The following CSMD1 variants were observed in gnomAD, a reference collection of about 807,000 sequenced individuals.
The protein encoded by CSMD1 is CUB and sushi domain-containing protein 1.
CSMD1 carries 213 observed loss-of-function variants against 417.5 expected under a neutral mutation model. The ratio of observed to expected loss-of-function variants is 0.51; its 90% CI spans 0.46 to 0.57. The LOEUF is 0.57. CSMD1 is among the 20% of genes least tolerant of loss of function. The pLI is 0.00. For missense variants in CSMD1, 6,923 were observed against 4,529.7 expected, an observed-to-expected ratio of 1.53 and a Z score of -15.17; for synonymous variants, 2,862 against 1,736.8, an observed-to-expected ratio of 1.65 and a Z score of -16.11.
chr8:4,764,895 C>CAAAAAAAAACAAAA (rs763804321), intron 1 of CSMD1, among the ~76,000 whole-genome samples: 8 of 30,568 alleles, frequency 2.6e-4, no homozygotes, highest in Admixed American at 5.0e-4. Flanking sequence ...AAAAAAAAAA[C>CAAAAAAAAACAAAA]AACAACAACA....
intron 5 of CSMD1, among the ~76,000 whole-genome samples, chr8:3,974,447 T>C (rs1420566350): frequency 2.3e-4 from 35 of 152,062 alleles, no homozygotes; most frequent in Admixed American, 2.3e-3. Flanking sequence ...TATGTGCAAA[T>C]AATAGTATAT....
At chr8:3,783,772 G>A (rs1346545072) in intron 5 of CSMD1, among the ~76,000 whole-genome samples, 1 of 152,172 alleles carries the variant, frequency 6.6e-6, no homozygotes, top group Non-Finnish European at 1.5e-5. Context: ...AAGGGGAAAA[G>A]AAAGTCGCAT....
chr8:3,706,619 C>A (rs1452087881), intron 7 of CSMD1, among the ~76,000 whole-genome samples: 1 of 152,170 alleles, frequency 6.6e-6, no homozygotes, highest in Non-Finnish European at 1.5e-5. Flanking sequence ...AAAAAAAGCT[C>A]TGCCTCAATC....
At chr8:3,912,777 C>T (rs757716291) in intron 5 of CSMD1, among the ~76,000 whole-genome samples, 71 of 152,124 alleles carry the variant, frequency 4.7e-4, no homozygotes, top group Non-Finnish European at 5.1e-4. Flanking sequence ...CAAGGTCACA[C>T]GAAGGCATGC....
chr8:4,427,169 G>T (rs1259738361), intron 2 of CSMD1, among the ~76,000 whole-genome samples: 1 of 152,084 alleles, frequency 6.6e-6, no homozygotes, highest in Non-Finnish European at 1.5e-5. Flanking sequence ...CTACACAATG[G>T]GTAAGTCCAG....
chr8:4,051,220 C>T (rs73658557), intron 3 of CSMD1, among the ~76,000 whole-genome samples: 5,785 of 151,462 alleles, frequency 0.038, 357 homozygotes, highest in African/African-American at 0.12. Flanking sequence ...TCCCAGGGAC[C>T]AGGCCTGTGG....
At chr8:3,628,748 A>C (rs1305407095) in intron 7 of CSMD1, among the ~76,000 whole-genome samples, 1 of 152,166 alleles carries the variant, frequency 6.6e-6, no homozygotes, top group African/African-American at 2.4e-5. Context: ...AGCCATACGG[A>C]AAAGTGACCA....
At chr8:4,365,097 A>G (rs1162185022) in intron 3 of CSMD1, among the ~76,000 whole-genome samples, 1 of 152,178 alleles carries the variant, frequency 6.6e-6, no homozygotes, top group Admixed American at 6.5e-5. Context: ...TACAAGAAAA[A>G]GTTTAAATAC....
At chr8:3,350,780 G>C (rs1808367105) in intron 21 of CSMD1, among the ~76,000 whole-genome samples, 1 of 152,046 alleles carries the variant, frequency 6.6e-6, no homozygotes, top group Admixed American at 6.6e-5. Flanking sequence ...TTGTATCCAT[G>C]TGAAGAAAAA....
chr8:4,859,819 A>T (rs867886272), intron 1 of CSMD1, among the ~76,000 whole-genome samples: 6 of 152,248 alleles, frequency 3.9e-5, no homozygotes, highest in Middle Eastern at 6.8e-3. Context: ...GTGGGACTGT[A>T]AACTAGTTCA....
chr8:4,986,009 G>C (rs1002589047), intron 1 of CSMD1, among the ~76,000 whole-genome samples: 1 of 152,076 alleles, frequency 6.6e-6, no homozygotes, highest in African/African-American at 2.4e-5. Flanking sequence ...GTGAAGTGCC[G>C]ATCATACTCT....
At chr8:3,249,254 C>T (rs939096646) in intron 26 of CSMD1, among the ~76,000 whole-genome samples, 3 of 152,186 alleles carry the variant, frequency 2.0e-5, no homozygotes, top group Non-Finnish European at 4.4e-5. Context: ...TAGAGACTCA[C>T]TCTGTTGCCC....
intron 1 of CSMD1, among the ~76,000 whole-genome samples, chr8:4,926,739 T>C (rs1806897586): frequency 6.6e-6 from 1 of 152,184 alleles, no homozygotes; most frequent in South Asian, 2.1e-4. Context: ...ATCTATACTG[T>C]GACTTACATT....
At chr8:3,921,444 T>G (rs1262203965) in intron 5 of CSMD1, among the ~76,000 whole-genome samples, 1 of 152,142 alleles carries the variant, frequency 6.6e-6, no homozygotes, top group East Asian at 1.9e-4. Context: ...ACTTTGAGCT[T>G]GGTTTGTTCT....
chr8:3,830,587 T>C (rs142707423), intron 5 of CSMD1, among the ~76,000 whole-genome samples: 104 of 152,294 alleles, frequency 6.8e-4, no homozygotes, highest in East Asian at 3.9e-3. Context: ...TGAAGAATGA[T>C]TGTTTGCAAG....
At chr8:4,375,718 TTCC>T (rs1802691426) in intron 3 of CSMD1, among the ~76,000 whole-genome samples, 1 of 152,168 alleles carries the variant, frequency 6.6e-6, no homozygotes, top group Admixed American at 6.6e-5. Context: ...GACTGTTTTC[TTCC>T]TCCTCACTTC....
intron 3 of CSMD1, among the ~76,000 whole-genome samples, chr8:4,292,186 G>A (rs965363486): frequency 6.6e-5 from 10 of 152,122 alleles, no homozygotes; most frequent in African/African-American, 2.4e-4. Context: ...AGAAGGGATG[G>A]ACTTATTTAT....
chr8:4,699,578 C>A (rs1295186832), intron 1 of CSMD1, among the ~76,000 whole-genome samples: 1 of 151,892 alleles, frequency 6.6e-6, no homozygotes, highest in African/African-American at 2.4e-5. Flanking sequence ...TCTAATTTAA[C>A]CAATAAGAAT....
intron 4 of CSMD1, among the ~76,000 whole-genome samples, chr8:4,007,697 T>C (rs922427835): frequency 2.6e-5 from 4 of 151,842 alleles, no homozygotes; most frequent in Non-Finnish European, 4.4e-5. Flanking sequence ...TTTCATGCAA[T>C]GAATGAAAAT....
Sources: allele counts gnomAD v4.1 joint callset (sites outside exome capture counted in the v4.1 genomes callset), GRCh38; gene constraint gnomAD v4.1.1; transcripts MANE v1.5; gene names NCBI Gene and HGNC (gene_info 2026-07-23, HGNC 2026-07-21).